Variants in ACAD9 observed in about 807,000 individuals in gnomAD.
ACAD9 encodes acyl-CoA dehydrogenase family member 9.
A neutral mutation model predicts 70.2 loss-of-function variants in ACAD9; 53 were observed. The observed-to-expected ratio is 0.75, with a 90% confidence interval of 0.61 to 0.95. The LOEUF (loss-of-function observed/expected upper bound fraction) is 0.95. ACAD9 is among the 40% of genes least tolerant of loss of function. The pLI, the probability that ACAD9 is intolerant of heterozygous loss-of-function variation, is 0.00. For synonymous variants in ACAD9, 313 were observed against 312.1 expected (o/e 1.00, Z -0.03); for missense variants, 777 against 802.8 (o/e 0.97, Z 0.39).
chr3:128,896,253 G>C (rs1379012253), intron 4 of ACAD9, among the ~76,000 whole-genome samples, 183 bp from the exon 5 acceptor site: 3 of 152,260 alleles, frequency 2.0e-5, no homozygotes, highest in Non-Finnish European at 4.4e-5. Context: ...ACTGGCATGT[G>C]CGCCCTGACC....
At chr3:128,909,644 C>T in intron 15 of ACAD9, 1 of 620,264 alleles carries the variant, frequency 1.6e-6, no homozygotes, top group South Asian at 1.9e-5. Flanking sequence ...CAGTGTTTTT[C>T]TGTGCACCTT....
At chr3:128,884,110 C>G (rs986889868) in intron 1 of ACAD9, among the ~76,000 whole-genome samples, 10 of 152,192 alleles carry the variant, frequency 6.6e-5, no homozygotes, top group African/African-American at 1.7e-4. Flanking sequence ...ACTTGGTAAG[C>G]ATGATGTGCT....
intron 11 of ACAD9, 63 bp downstream of exon 11, chr3:128,904,568 G>T: frequency 6.3e-7 from 1 of 1,578,108 alleles, no homozygotes; most frequent in East Asian, 2.3e-5. Flanking sequence ...CCCTCACTGT[G>T]ACCTTTCAAG....
In ACAD9 at chr3:128,884,683, CAAGAT is replaced by C; in HGVS notation, c.182_186del (p.Gln61ArgfsTer3). 1 of 1,612,298 alleles carries C rather than the reference CAAGAT, an allele frequency of 6.2e-7. No individual in the cohort carries two copies. ...AGTTTTCCCATTTCCAGAAGTTAGC[CAAGAT>C]GAACTTAATGAAATCAATCAGTTCT... On this transcript the variant is annotated frameshift_variant, in exon 2 of 18. Transcript: ENST00000308982. LOFTEE classifies it high-confidence loss of function.
At chr3:128,901,251 A>G (rs1315607308) in intron 7 of ACAD9, 25 bp from the exon 8 acceptor site, 2 of 1,611,230 alleles carry the variant, frequency 1.2e-6, no homozygotes. Context: ...TTGTCAGATG[A>G]TATCTTAAAT....
At chr3:128,898,569 A>AT (rs147931805) in intron 6 of ACAD9, 7,415 of 282,424 alleles carry the variant, frequency 0.026, 253 homozygotes, top group African/African-American at 0.11. Context: ...AACTCTTTGT[A>AT]TTTTTTTTTT....
rs1979529 is a variant in ACAD9 at position 128,899,440 on chromosome 3, T to C, written c.787T>C (p.Leu263=). The change falls in exon 7 of 18, where the codon TTA becomes CTA. Residue 263 remains leucine (L), a synonymous_variant. Transcript: ENST00000308982. The part of the protein sequence containing the change: ...GVTNGKPEDK[L]GIRGSNTCEV... ...CACTAATGGGAAACCCGAAGATAAA[T>C]TAGGCATTCGGGGCTCCAACAGTAA... 0.018 allele frequency: 28,518 copies of C among 1,614,078 alleles called. 608 individuals carry two copies. Among genetic ancestry groups the C allele is most frequent in the South Asian group, 0.07 (6,341 of 91,084 alleles).
intron 15 of ACAD9, 163 bp downstream of exon 15, chr3:128,909,584 GGGGCCC>G: frequency 1.3e-6 from 1 of 764,346 alleles, no homozygotes; most frequent in Non-Finnish European, 2.2e-6. Flanking sequence ...TTGTCAGCCT[GGGGCCC>G]ACTTAGCTAC....
Position 128,899,454 on chromosome 3 carries a change from C to G in ACAD9, c.801C>G (p.Gly267=). ...CCGAAGATAAATTAGGCATTCGGGG[C>G]TCCAACAGTAAGTAGCTCCTGTGCG... is the stretch of plus-strand genomic sequence containing the variant. ...GKPEDKLGIR[G]SNTCEVHFEN... The change falls in exon 7 of 18, where the codon GGC becomes GGG. Residue 267 remains glycine (G), a synonymous_variant. Coordinates refer to ENST00000308982, the MANE Select transcript of ACAD9 (RefSeq NM_014049.5). 3 of 1,613,974 alleles carry G rather than the reference C, an allele frequency of 1.9e-6. No homozygotes were observed. Among genetic ancestry groups the G allele is most frequent in the Non-Finnish European group, 2.5e-6 (3 of 1,179,964 alleles).
At chr3:128,890,214 A>G (rs1471819399) in intron 2 of ACAD9, among the ~76,000 whole-genome samples, 1 of 152,044 alleles carries the variant, frequency 6.6e-6, no homozygotes, top group East Asian at 1.9e-4. Context: ...CCTCCCGAGT[A>G]GCTGAGATTA....
chr3:128,905,559 T>TA (rs1228292064), intron 11 of ACAD9, among the ~76,000 whole-genome samples: 1 of 152,148 alleles, frequency 6.6e-6, no homozygotes, highest in Non-Finnish European at 1.5e-5. Context: ...CCTAAAAAAA[T>TA]AAAAAATTAA....
intron 15 of ACAD9, 122 bp from the exon 16 acceptor site, chr3:128,909,894 GTGTTA>G: frequency 7.7e-7 from 1 of 1,296,204 alleles, no homozygotes; most frequent in Non-Finnish European, 1.1e-6. Context: ...GAAGAGAAAG[GTGTTA>G]TTGACTCCAC....
Position 128,904,418 on chromosome 3 carries a change from C to T in ACAD9, c.1062C>T (p.Tyr354=), listed in dbSNP as rs886057957. 14 of 1,614,104 alleles carry T rather than the reference C, an allele frequency of 8.7e-6. No homozygotes were observed. The highest frequency in any genetic ancestry group is 1.7e-5 in the Admixed American group (1 of 60,004). ...EKFALMAQKA[Y]VMESMTYLTA... ...TTGCACTGATGGCTCAGAAGGCTTA[C>T]GTCATGGAGAGTATGACCTACCTCA... The change falls in exon 11 of 18, where the codon TAC becomes TAT. Residue 354 remains tyrosine, a synonymous_variant. Coordinates refer to ENST00000308982, the MANE Select transcript of ACAD9 (RefSeq NM_014049.5).
rs377360410 is a variant in ACAD9 at position 128,908,166 on chromosome 3, T to C, written c.1279-19T>C. The C allele has an allele frequency of 1.2e-6, 2 of 1,613,460 alleles. No individual in the cohort carries two copies. The highest frequency in any genetic ancestry group is 1.7e-6 in the Non-Finnish European group (2 of 1,179,760). On this transcript the variant is annotated intron_variant, in intron 12 of 17. Coordinates refer to ENST00000308982, the MANE Select transcript of ACAD9 (RefSeq NM_014049.5). ...CCTGGCCGGGGGGCAGCCTTTGACC[T>C]CTACACTACTGACCACAGGGAACCA...
At chr3:128,895,172 C>T (rs562606763) in intron 3 of ACAD9, 138 bp from the exon 4 acceptor site, 27 of 737,282 alleles carry the variant, frequency 3.7e-5, no homozygotes, top group Admixed American at 1.5e-4. Flanking sequence ...CCACCATGCC[C>T]GGCCTGTATT....
chr3:128,912,345 T>C (rs918142164), intron 17 of ACAD9, among the ~76,000 whole-genome samples, 162 bp from the exon 18 acceptor site: 17 of 152,184 alleles, frequency 1.1e-4, no homozygotes, highest in African/African-American at 2.4e-5. Flanking sequence ...TTTCTCTCCC[T>C]GCAGCCCTGA....
In ACAD9 at chr3:128,898,383, C is replaced by T. The variant is rs111958617; in HGVS notation, c.633+673C>T. ...TTTAATAAACACAAAGCCGTAATAC[C>T]CTTATCACATTTTAAAAATTGATAA... On this transcript the variant is annotated intron_variant, in intron 6 of 17. Coordinates refer to ENST00000308982, the MANE Select transcript of ACAD9 (RefSeq NM_014049.5). The T allele has an allele frequency of 2.7e-3, 1,219 of 451,788 alleles. 5 individuals are homozygous for T. Among genetic ancestry groups the T allele is most frequent in the Non-Finnish European group, 4.4e-3 (989 of 226,138 alleles). 28.0% of individuals were successfully genotyped at this position (451,788 alleles called of 1,614,324 possible). A position where few individuals can be genotyped will look rare whatever the true frequency, so the allele number is the denominator to read the frequency against.
chr3:128,904,922 A>G (rs1935844435), intron 11 of ACAD9, among the ~76,000 whole-genome samples: 1 of 152,156 alleles, frequency 6.6e-6, no homozygotes, highest in African/African-American at 2.4e-5. Flanking sequence ...AGGTGGATGG[A>G]TCACCTGAGG....
In ACAD9 at chr3:128,910,117, A is replaced by G. The variant is rs779324650; in HGVS notation, c.1660A>G (p.Ile554Val). The G allele has an allele frequency of 5.6e-6, 9 of 1,614,034 alleles. No homozygotes were observed. Among genetic ancestry groups the G allele is most frequent in the Non-Finnish European group, 7.6e-6 (9 of 1,180,024 alleles). ...TAVLSRASRS[I>V]RIGLRNHDHE... ...CGTGCTGTCGCGGGCCAGCCGCTCC[A>G]TCCGCATTGGGCTCCGCAACCACGA... is the stretch of plus-strand genomic sequence containing the variant. The change falls in exon 16 of 18, where the codon ATC (isoleucine) becomes GTC (valine). Residue 554 changes from isoleucine to valine, a missense_variant. By Grantham distance (29) the Ile-to-Val change is conservative. Coordinates refer to ENST00000308982, the MANE Select transcript of ACAD9 (RefSeq NM_014049.5).
Sources: gnomAD v4.1 joint callset for allele counts (sites outside exome capture counted in the v4.1 genomes callset) on GRCh38, gnomAD v4.1.1 for gene constraint, MANE v1.5 for transcripts, NCBI Gene and HGNC (gene_info 2026-07-23, HGNC 2026-07-21) for gene names.